The following MINAR2 variants were observed in gnomAD, a reference collection of about 807,000 sequenced individuals.
MINAR2 encodes membrane integral NOTCH2 associated receptor 2.
MINAR2 carries 21 observed loss-of-function variants against 16.1 expected under a neutral mutation model. The ratio of observed to expected loss-of-function variants is 1.31; its 90% CI spans 0.93 to 1.88. MINAR2 has a LOEUF of 1.88. Among genes scored for constraint, MINAR2 ranks in the 40% most tolerant of loss-of-function variants. The pLI, the probability that MINAR2 is intolerant of heterozygous loss-of-function variation, is 0.00. For synonymous variants in MINAR2, 86 were observed against 83.0 expected (o/e 1.04, Z -0.20); for missense variants, 259 against 229.8 (o/e 1.13, Z -0.82).
chr5:129,764,002 AT>A (rs763255160), intron 2 of MINAR2, among the ~76,000 whole-genome samples: 2 of 152,238 alleles, frequency 1.3e-5, no homozygotes, highest in African/African-American at 2.4e-5. Context: ...GAAAGCAGAG[AT>A]TGAGTATTCA....
In MINAR2 at chr5:129,766,249, T is replaced by C. The variant is rs1385696563; in HGVS notation, c.*1186T>C. Reference sequence around the variant, plus strand: ...CAAGAAACAAAAGAGGGACTTTCTCTTCTTCTCATGAGCCTAAAGTCAGAT... The same window carrying C: ...CAAGAAACAAAAGAGGGACTTTCTCCTCTTCTCATGAGCCTAAAGTCAGAT... On this transcript the variant is annotated 3_prime_UTR_variant, in exon 3 of 3. Coordinates refer to ENST00000564719, the MANE Select transcript of MINAR2 (RefSeq NM_001257308.2). 6.6e-6 allele frequency: 1 copy of C among 152,244 alleles called. No homozygotes were observed. Among genetic ancestry groups the C allele is most frequent in the Admixed American group, 6.5e-5 (1 of 15,288 alleles). The allele number at this position is 152,244 out of a possible 1,614,324, so 9.4% of individuals were successfully genotyped here.
chr5:129,764,831 G>C, intron 2 of MINAR2, 53 bp from the exon 3 acceptor site: 1 of 1,015,452 alleles, frequency 9.8e-7, no homozygotes, highest in Non-Finnish European at 1.3e-6. Context: ...CAATTAATTT[G>C]TAACACTGAC....
At chr5:129,758,919 T>G (rs55905089) in intron 1 of MINAR2, among the ~76,000 whole-genome samples, 193 of 152,142 alleles carry the variant, frequency 1.3e-3, no homozygotes, top group African/African-American at 4.4e-3. Context: ...GAATGTAAGT[T>G]GACTTTGAGC....
At chr5:129,749,342 G>T (rs1288828091) in intron 1 of MINAR2, among the ~76,000 whole-genome samples, 1 of 152,104 alleles carries the variant, frequency 6.6e-6, no homozygotes, top group Non-Finnish European at 1.5e-5. Context: ...TGGTAAGTTT[G>T]TGGGCTCCTT....
chr5:129,764,883 G>T lies in MINAR2; in HGVS notation c.394-1G>T. The T allele has an allele frequency of 7.7e-7, 1 of 1,302,252 alleles. No individual in the cohort carries two copies. Among genetic ancestry groups the T allele is most frequent in the South Asian group, 2.6e-5 (1 of 38,260 alleles). The allele number at this position is 1,302,252 out of a possible 1,614,324, so 80.7% of individuals were successfully genotyped here. The stretch of plus-strand genomic sequence containing the variant: ...ATATTCTCTATGTAATTTTCTTTTA[G>T]GAAAATCCTAATGACCTGCGGTTTT... On this transcript the variant is annotated splice_acceptor_variant, in intron 2 of 2. Transcript: ENST00000564719. LOFTEE classifies it high-confidence loss of function.
intron 1 of MINAR2, among the ~76,000 whole-genome samples, chr5:129,750,175 C>T (rs1194096176): frequency 6.6e-6 from 1 of 152,158 alleles, no homozygotes; most frequent in Non-Finnish European, 1.5e-5. Flanking sequence ...CTGTGCAATG[C>T]ATCATTAACT....
rs193089402 is a variant in MINAR2, at chr5:129,763,585, G to A, written c.394-1299G>A. Reference sequence around the variant, plus strand: ...AGAGGCATTAAACTTACAGAGTGCAGGCCTCTGATGATAGGACACAAAATG... The same window carrying A: ...AGAGGCATTAAACTTACAGAGTGCAAGCCTCTGATGATAGGACACAAAATG... On this transcript the variant is annotated intron_variant, in intron 2 of 2. Transcript: ENST00000564719. 2.5e-3 allele frequency among the ~76,000 whole-genome samples: 373 copies of A among 152,208 alleles called. 5 individuals are homozygous for A. The highest frequency in any genetic ancestry group is 8.5e-3 in the African/African-American group (353 of 41,530).
At chr5:129,754,416 A>G (rs770556309) in intron 1 of MINAR2, among the ~76,000 whole-genome samples, 3 of 152,210 alleles carry the variant, frequency 2.0e-5, no homozygotes, top group Non-Finnish European at 4.4e-5. Context: ...TGACATATGA[A>G]ATACATGCAA....
At position 129,749,579 on chromosome 5, in the gene MINAR2, G is replaced by C. The variant is rs1177221348; in HGVS notation, c.165+1224G>C. ...GTATTTGTAGGCGTTCTTTTTTTAA[G>C]TTTTAAATGAAATGAAATGAAATGA... is the stretch of plus-strand genomic sequence containing the variant. On this transcript the variant is annotated intron_variant, in intron 1 of 2. Transcript: ENST00000564719. Among the ~76,000 whole-genome samples, 92 of 151,870 alleles carry C rather than the reference G, an allele frequency of 6.1e-4. 2 individuals are homozygous for C. Among genetic ancestry groups the C allele is most frequent in the Admixed American group, 6.0e-3 (92 of 15,242 alleles).
Position 129,760,478 on chromosome 5 carries a change from A to G in MINAR2, c.266A>G (p.Lys89Arg). 6.5e-7 allele frequency: 1 copy of G among 1,535,882 alleles called. No individual in the cohort carries two copies. The highest frequency in any genetic ancestry group is 8.7e-7 in the Non-Finnish European group (1 of 1,146,610). Residue 89 changes from lysine (K) to arginine (R), a missense_variant, in exon 2 of 3, where the codon AAG becomes AGG. By Grantham distance (26) the Lys-to-Arg change is conservative. Coordinates refer to ENST00000564719, the MANE Select transcript of MINAR2 (RefSeq NM_001257308.2). ...CCACCATCCATGTCATCAGTTATGA[A>G]GAATAACCCACTCTATGGTGACCTA... ...SPPPSMSSVMKNNPLYGDLSL... is the reference protein window; with the variant it reads ...SPPPSMSSVMRNNPLYGDLSL...
chr5:129,765,076 A>C lies in MINAR2; in HGVS notation c.*13A>C, dbSNP rs1758192975. 7 of 1,256,608 alleles carry C rather than the reference A, an allele frequency of 5.6e-6. No homozygotes were observed. Among genetic ancestry groups the C allele is most frequent in the Non-Finnish European group, 7.0e-6 (7 of 998,622 alleles). The allele number at this position is 1,256,608 out of a possible 1,614,324, so 77.8% of individuals were successfully genotyped here. ...TTTTTTCACCTGAGGAAACTGCAAC[A>C]ATCAGAGCTACTTTAAATTTCCTAA... On this transcript the variant is annotated 3_prime_UTR_variant, in exon 3 of 3. Transcript: ENST00000564719.
intron 1 of MINAR2, among the ~76,000 whole-genome samples, chr5:129,753,549 C>G (rs1226411794): frequency 6.7e-6 from 1 of 149,610 alleles, no homozygotes; most frequent in African/African-American, 2.5e-5. Context: ...GTCAGGAGTT[C>G]GAGACCAGCC....
Position 129,760,374 on chromosome 5 carries a change from T to G in MINAR2, c.166-4T>G. The G allele has an allele frequency of 6.5e-7, 1 of 1,534,398 alleles. No individual in the cohort carries two copies. The highest frequency in any genetic ancestry group is 8.7e-7 in the Non-Finnish European group (1 of 1,145,570). On this transcript the variant is annotated splice_polypyrimidine_tract_variant and splice_region_variant and intron_variant, in intron 1 of 2. Coordinates refer to ENST00000564719, the MANE Select transcript of MINAR2 (RefSeq NM_001257308.2). ...AAGAGATGCCTTGTTTCTTTGCCTC[T>G]TAGAGGGAAAAGAAGAATATTGCTG...
At chr5:129,759,455 AT>A (rs1758099249) in intron 1 of MINAR2, among the ~76,000 whole-genome samples, 1 of 152,174 alleles carries the variant, frequency 6.6e-6, no homozygotes, top group African/African-American at 2.4e-5. Flanking sequence ...CAAATTTTTA[AT>A]TTCTACCTTC....
At chr5:129,756,611 A>G (rs1430486992) in intron 1 of MINAR2, among the ~76,000 whole-genome samples, 1 of 152,100 alleles carries the variant, frequency 6.6e-6, no homozygotes, top group East Asian at 1.9e-4. Flanking sequence ...CACTTAGAAT[A>G]ATAGTCTCCA....
intron 1 of MINAR2, among the ~76,000 whole-genome samples, chr5:129,756,339 T>C (rs1012474742): frequency 5.3e-5 from 8 of 152,186 alleles, no homozygotes; most frequent in African/African-American, 1.9e-4. Flanking sequence ...CTTTTTTTTT[T>C]CCATAAGTTA....
At chr5:129,749,566 G>A (rs765563343) in intron 1 of MINAR2, among the ~76,000 whole-genome samples, 13 of 151,964 alleles carry the variant, frequency 8.6e-5, no homozygotes, top group African/African-American at 2.4e-4. Context: ...ATTTGTAGGC[G>A]TTCTTTTTTT....
At chr5:129,754,988 G>A (rs916337792) in intron 1 of MINAR2, among the ~76,000 whole-genome samples, 1 of 151,862 alleles carries the variant, frequency 6.6e-6, no homozygotes, top group East Asian at 1.9e-4. Flanking sequence ...TGTAAGTTTG[G>A]GGCCCATTCC....
At chr5:129,764,265 T>C (rs943206501) in intron 2 of MINAR2, among the ~76,000 whole-genome samples, 1 of 152,062 alleles carries the variant, frequency 6.6e-6, no homozygotes, top group African/African-American at 2.4e-5. Context: ...TGGGTCCTTT[T>C]TTCAGGAGGT....
Sources: allele counts gnomAD v4.1 joint callset (sites outside exome capture counted in the v4.1 genomes callset), GRCh38; gene constraint gnomAD v4.1.1; transcripts MANE v1.5; gene names NCBI Gene and HGNC (gene_info 2026-07-23, HGNC 2026-07-21).